Variants in NUBPL observed in about 807,000 individuals in gnomAD.
NUBPL encodes the protein iron-sulfur cluster transfer protein NUBPL.
NUBPL carries 31 observed loss-of-function variants against 45.7 expected under a neutral mutation model. That is an observed-to-expected ratio of 0.68 (90% CI 0.51 to 0.92). The LOEUF is 0.92. Ranked by LOEUF, NUBPL falls within the 40% of genes least tolerant of loss-of-function variation. NUBPL has a pLI of 0.00. For synonymous variants in NUBPL, 144 were observed against 140.9 expected (o/e 1.02, Z -0.15); for missense variants, 401 against 398.7 (o/e 1.01, Z -0.05).
chr14:31,699,207 A>G (rs1292100188), intron 6 of NUBPL, among the ~76,000 whole-genome samples: 1 of 152,170 alleles, frequency 6.6e-6, no homozygotes, highest in Non-Finnish European at 1.5e-5. Context: ...GTAGGCCTAT[A>G]TGTCTGTAGC....
chr14:31,596,489 G>A (rs922823640), intron 3 of NUBPL, among the ~76,000 whole-genome samples: 4 of 75,342 alleles, frequency 5.3e-5, no homozygotes, highest in African/African-American at 1.0e-4. Context: ...AAATCCTGCC[G>A]TTTTTTGTGA....
chr14:31,740,398 G>A (rs1285037224), intron 6 of NUBPL, among the ~76,000 whole-genome samples: 2 of 152,098 alleles, frequency 1.3e-5, no homozygotes, highest in African/African-American at 4.8e-5. Flanking sequence ...TTTCCATGAT[G>A]ACATATAATA....
chr14:31,798,495 G>C (rs2039512233), intron 7 of NUBPL, among the ~76,000 whole-genome samples: 1 of 151,514 alleles, frequency 6.6e-6, no homozygotes, highest in Non-Finnish European at 1.5e-5. Flanking sequence ...ACAGTAATTA[G>C]AAATTATCTT....
intron 7 of NUBPL, among the ~76,000 whole-genome samples, chr14:31,813,700 G>A (rs936051621): frequency 6.6e-6 from 1 of 152,008 alleles, no homozygotes; most frequent in Non-Finnish European, 1.5e-5. Context: ...CCCAACCTCT[G>A]ACAGACCCTG....
intron 4 of NUBPL, among the ~76,000 whole-genome samples, chr14:31,599,837 A>G (rs150657836): frequency 1.7e-4 from 26 of 152,192 alleles, no homozygotes; most frequent in Admixed American, 1.5e-3. Context: ...TTCAAGAGTA[A>G]CCAATATGGC....
chr14:31,594,307 T>A (rs1197605102), intron 3 of NUBPL, among the ~76,000 whole-genome samples: 1 of 152,134 alleles, frequency 6.6e-6, no homozygotes, highest in African/African-American at 2.4e-5. Context: ...GTAGTCCTAG[T>A]TACTCAAGAC....
intron 6 of NUBPL, among the ~76,000 whole-genome samples, chr14:31,752,033 C>A (rs2038543307): frequency 6.6e-6 from 1 of 152,180 alleles, no homozygotes; most frequent in South Asian, 2.1e-4. Context: ...GGTGCCATGT[C>A]CCAAGGCCCC....
rs370783764 is a variant in NUBPL at position 31,771,818 on chromosome 14, C to T, written c.514-15962C>T. The T allele has an allele frequency of 4.1e-6, 4 of 979,132 alleles. No individual in the cohort carries two copies. The East Asian group carries it at 4.6e-4, about 112-fold the overall frequency. The allele number at this position is 979,132 out of a possible 1,614,324, so 60.7% of individuals were successfully genotyped here. Reference sequence around the variant, plus strand: ...ACCCCACTTCTTCCATTTACCAGCCCATTTCCACCCGAGGGACCCTAAGGC... The same window carrying T: ...ACCCCACTTCTTCCATTTACCAGCCTATTTCCACCCGAGGGACCCTAAGGC... On this transcript the variant is annotated intron_variant, in intron 6 of 10. Coordinates refer to ENST00000281081, the MANE Select transcript of NUBPL (RefSeq NM_025152.3).
chr14:31,664,998 A>G (rs948862973), intron 4 of NUBPL, among the ~76,000 whole-genome samples: 1 of 152,132 alleles, frequency 6.6e-6, no homozygotes, highest in South Asian at 2.1e-4. Context: ...TAGATTTTCT[A>G]GTTGATTTGC....
At chr14:31,707,791 G>T (rs953198841) in intron 6 of NUBPL, among the ~76,000 whole-genome samples, 5 of 152,230 alleles carry the variant, frequency 3.3e-5, no homozygotes, top group African/African-American at 1.2e-4. Context: ...AGAGTAGCTT[G>T]CTGGCACGAG....
chr14:31,676,970 T>C (rs2036714640), intron 6 of NUBPL, among the ~76,000 whole-genome samples: 1 of 151,984 alleles, frequency 6.6e-6, no homozygotes, highest in South Asian at 2.1e-4. Context: ...TTAAGAAATC[T>C]TTGCCTGTTT....
intron 3 of NUBPL, among the ~76,000 whole-genome samples, chr14:31,584,563 A>G (rs1242185274): frequency 6.6e-6 from 1 of 152,176 alleles, no homozygotes; most frequent in African/African-American, 2.4e-5. Context: ...GAACATTTTC[A>G]TTACTTCCAA....
Position 31,742,237 on chromosome 14 carries a change from T to TACACACACACAC in NUBPL, c.514-45511_514-45500dup, listed in dbSNP as rs3035713. ...TATGAAACCAATTTTAACTATTGTG[T>TACACACACACAC]ACACACACACACACACACACACACA... On this transcript the variant is annotated intron_variant, in intron 6 of 10. Coordinates refer to ENST00000281081, the MANE Select transcript of NUBPL (RefSeq NM_025152.3). 4.7e-3 allele frequency among the ~76,000 whole-genome samples: 666 copies of TACACACACACAC among 141,456 alleles called. 1 individual carries two copies. Among genetic ancestry groups the TACACACACACAC allele is most frequent in the Middle Eastern group, 7.5e-3 (2 of 266 alleles). The allele number at this position is 141,456 out of a possible 152,430, so 92.8% of individuals were successfully genotyped here. A position where few individuals can be genotyped will look rare whatever the true frequency, so the allele number is the denominator to read the frequency against.
chr14:31,826,024 G>T (rs2040097311), intron 7 of NUBPL, among the ~76,000 whole-genome samples: 1 of 151,842 alleles, frequency 6.6e-6, no homozygotes. Context: ...CCTAGCTTGT[G>T]CATCTGTATA....
At chr14:31,682,247 T>C (rs929246640) in intron 6 of NUBPL, among the ~76,000 whole-genome samples, 4 of 152,308 alleles carry the variant, frequency 2.6e-5, no homozygotes, top group Admixed American at 2.0e-4. Context: ...TCGTGGTGAA[T>C]TTGCCCTTTT....
rs546263809 is a variant in NUBPL at position 31,805,355 on chromosome 14, G to A, written c.607+17482G>A. Among the ~76,000 whole-genome samples the A allele has an allele frequency of 3.3e-5, 5 of 152,310 alleles. No homozygotes were observed. In the South Asian group the frequency reaches 1.0e-3, roughly 32 times the overall value. ...GCTCAACCATTGTGGAAAGCAGTATGGTGATTCCTCAAAGAGCTAAAGACA... is the reference window on the plus strand; with the variant it reads ...GCTCAACCATTGTGGAAAGCAGTATAGTGATTCCTCAAAGAGCTAAAGACA... On this transcript the variant is annotated intron_variant, in intron 7 of 10. Coordinates refer to ENST00000281081, the MANE Select transcript of NUBPL (RefSeq NM_025152.3).
At chr14:31,772,031 C>T (rs910693818) in intron 6 of NUBPL, 1 of 202,424 alleles carries the variant, frequency 4.9e-6, no homozygotes, top group Non-Finnish European at 8.8e-6. Context: ...CAGAAAGCCA[C>T]TTCTATGACA....
At chr14:31,773,045 T>C (rs139094738) in intron 6 of NUBPL, among the ~76,000 whole-genome samples, 1 of 152,304 alleles carries the variant, frequency 6.6e-6, no homozygotes, top group East Asian at 1.9e-4. Flanking sequence ...TCAAGGATGT[T>C]TATTGTATAT....
At chr14:31,636,324 C>G (rs1416152784) in intron 4 of NUBPL, among the ~76,000 whole-genome samples, 2 of 151,056 alleles carry the variant, frequency 1.3e-5, no homozygotes, top group East Asian at 2.0e-4. Context: ...TTGTCAAAGG[C>G]CTTTTCTGCA....
Sources: allele counts gnomAD v4.1 joint callset (sites outside exome capture counted in the v4.1 genomes callset), GRCh38; gene constraint gnomAD v4.1.1; transcripts MANE v1.5; gene names NCBI Gene and HGNC (gene_info 2026-07-23, HGNC 2026-07-21).